PCDHA10: variants seen among roughly 807,000 people sequenced by gnomAD.
The protein encoded by PCDHA10 is protocadherin alpha-10.
A neutral mutation model predicts 61.2 loss-of-function variants in PCDHA10; 45 were observed. The observed-to-expected ratio is 0.74, with a 90% CI of 0.58 to 0.94. The LOEUF is 0.94. PCDHA10 is among the 40% of genes least tolerant of loss of function. PCDHA10 has a pLI of 0.00. For missense variants in PCDHA10, 1,278 were observed against 1,236.2 expected, an observed-to-expected ratio of 1.03 and a Z score of -0.51; for synonymous variants, 602 against 548.8, an observed-to-expected ratio of 1.10 and a Z score of -1.35.
At chr5:140,892,260 T>C (rs2063449120) in intron 1 of PCDHA10, among the ~76,000 whole-genome samples, 1 of 152,218 alleles carries the variant, frequency 6.6e-6, no homozygotes, top group East Asian at 1.9e-4. Flanking sequence ...TCTTTGATTT[T>C]GTGCTGAAAG....
intron 1 of PCDHA10, among the ~76,000 whole-genome samples, chr5:140,919,232 T>G (rs1178591658): frequency 3.9e-5 from 6 of 152,246 alleles, no homozygotes; most frequent in African/African-American, 1.4e-4. Flanking sequence ...CTAGTAACAC[T>G]TTTTGTCTTG....
At chr5:140,899,980 T>TG (rs1202261789) in intron 1 of PCDHA10, among the ~76,000 whole-genome samples, 49 of 152,074 alleles carry the variant, frequency 3.2e-4, no homozygotes, top group African/African-American at 1.1e-3. Flanking sequence ...GCTACTTTTT[T>TG]GATTTTTTTT....
chr5:140,953,034 C>T (rs1337571700), intron 1 of PCDHA10, among the ~76,000 whole-genome samples: 1 of 152,168 alleles, frequency 6.6e-6, no homozygotes, highest in Non-Finnish European at 1.5e-5. Context: ...GGGAAATCCA[C>T]CCCCATGATC....
Position 140,875,145 on chromosome 5 carries a change from T to A in PCDHA10, c.2388+16709T>A, listed in dbSNP as rs191347942. On this transcript the variant is annotated intron_variant, in intron 1 of 3. Coordinates refer to ENST00000307360, the MANE Select transcript of PCDHA10 (RefSeq NM_018901.4). ...TAACTAAACCCGCATTTATAAATGA[T>A]CCGTGAAAAATAACCCAAAGTCGAA... Among the ~76,000 whole-genome samples the A allele has an allele frequency of 3.1e-3, 468 of 152,306 alleles. 3 individuals are homozygous for A. The highest frequency in any genetic ancestry group is 0.014 in the Middle Eastern group (4 of 294).
intron 1 of PCDHA10, among the ~76,000 whole-genome samples, chr5:140,958,355 C>A (rs2095420165): frequency 6.6e-6 from 1 of 152,064 alleles, no homozygotes; most frequent in Admixed American, 6.6e-5. Context: ...CACAGTCTGA[C>A]TTTATCAGGA....
intron 1 of PCDHA10, among the ~76,000 whole-genome samples, chr5:140,886,239 TAAATA>T (rs2060905359): frequency 6.6e-6 from 1 of 152,062 alleles, no homozygotes; most frequent in African/African-American, 2.4e-5. Context: ...ACTTCAGAAA[TAAATA>T]AAAGTATCTC....
chr5:140,884,339 G>C, intron 1 of PCDHA10: 1 of 1,613,906 alleles, frequency 6.2e-7, no homozygotes, highest in African/African-American at 1.3e-5. Flanking sequence ...GGGTCCAGAA[G>C]CGGCGCTGGT....
Position 140,923,348 on chromosome 5 carries a change from G to A in PCDHA10, c.2389-55601G>A, listed in dbSNP as rs376610944. Among the ~76,000 whole-genome samples the A allele has an allele frequency of 2.6e-3, 395 of 152,192 alleles. 2 individuals are homozygous for A. Among genetic ancestry groups the A allele is most frequent in the African/African-American group, 9.2e-3 (384 of 41,538 alleles). ...CAAGGACAGTTTGGGCAACATAGTG[G>A]GACCCTATCTTTATAAAATATTTTT... is the stretch of plus-strand genomic sequence containing the variant. On this transcript the variant is annotated intron_variant, in intron 1 of 3. Coordinates refer to ENST00000307360, the MANE Select transcript of PCDHA10 (RefSeq NM_018901.4).
intron 3 of PCDHA10, among the ~76,000 whole-genome samples, chr5:140,985,392 C>T (rs1329580146): frequency 6.6e-6 from 1 of 152,172 alleles, no homozygotes; most frequent in Non-Finnish European, 1.5e-5. Context: ...CCAGTCACCC[C>T]AACTGTTCCC....
At position 141,003,524 on chromosome 5, in the gene PCDHA10, G is replaced by T. The variant is rs2098128799; in HGVS notation, c.2537-6103G>T. On this transcript the variant is annotated intron_variant, in intron 3 of 3. Coordinates refer to ENST00000307360, the MANE Select transcript of PCDHA10 (RefSeq NM_018901.4). ...GATGGGGTTTCACCATGTTCCCTAG[G>T]CTGGTCTTGAACTCCTGGCTTCAAG... 4.6e-5 allele frequency among the ~76,000 whole-genome samples: 7 copies of T among 152,070 alleles called. No individual in the cohort carries two copies. In the South Asian group the frequency reaches 1.5e-3, roughly 32 times the overall value.
intron 1 of PCDHA10, chr5:140,966,327 C>A (rs1381846026): frequency 5.1e-6 from 2 of 392,388 alleles, no homozygotes; most frequent in East Asian, 3.6e-5. Flanking sequence ...CCGCTGGGAT[C>A]CGGCAGGTCC....
intron 2 of PCDHA10, 129 bp from the exon 3 acceptor site, chr5:140,982,346 G>A: frequency 1.3e-6 from 2 of 1,492,346 alleles, no homozygotes; most frequent in South Asian, 2.7e-5. Context: ...AATTGCTTCA[G>A]TTCAAGCATG....
intron 1 of PCDHA10, among the ~76,000 whole-genome samples, chr5:140,910,901 C>T (rs1433262630): frequency 6.6e-6 from 1 of 152,142 alleles, no homozygotes; most frequent in African/African-American, 2.4e-5. Context: ...CTATGCCTGT[C>T]CTCCAGATTT....
At chr5:140,951,723 A>G (rs1364455679) in intron 1 of PCDHA10, among the ~76,000 whole-genome samples, 3 of 152,104 alleles carry the variant, frequency 2.0e-5, no homozygotes, top group Non-Finnish European at 4.4e-5. Flanking sequence ...GATCCAAACC[A>G]TGTCATTCTG....
At chr5:140,961,347 T>TTGAGAGACCAA (rs2095606709) in intron 1 of PCDHA10, among the ~76,000 whole-genome samples, 1 of 152,216 alleles carries the variant, frequency 6.6e-6, no homozygotes, top group South Asian at 2.1e-4. Flanking sequence ...AGTGGATCCC[T>TTGAGAGACCAA]GTAGTCCCCA....
chr5:140,925,447 T>G (rs2153577798), intron 1 of PCDHA10, among the ~76,000 whole-genome samples: 1 of 152,154 alleles, frequency 6.6e-6, no homozygotes, highest in Non-Finnish European at 1.5e-5. Context: ...AGAATTTGGG[T>G]GTATCTGTTG....
At chr5:140,895,080 C>T (rs537991545) in intron 1 of PCDHA10, among the ~76,000 whole-genome samples, 11 of 152,246 alleles carry the variant, frequency 7.2e-5, no homozygotes, top group Admixed American at 1.3e-4. Context: ...CTATCAGTTC[C>T]TCCTCAGTAT....
Position 140,857,147 on chromosome 5 carries a change from G to A in PCDHA10, c.1099G>A (p.Val367Ile), listed in dbSNP as rs145115378. 1.4e-4 allele frequency: 222 copies of A among 1,598,286 alleles called. 15 individuals carry two copies. The African/African-American group carries it at 2.2e-3, about 15-fold the overall frequency. ...PVKEDAQVGT[V>I]IALISVSDHD... ...GAAAGAAGATGCTCAAGTGGGCACC[G>A]TCATTGCCCTAATCAGCGTTTCTGA... The change falls in exon 1 of 4, where the codon GTC becomes ATC. Residue 367 changes from valine (V) to isoleucine (I), a missense_variant. By Grantham distance (29) the Val-to-Ile change is conservative. Coordinates refer to ENST00000307360, the MANE Select transcript of PCDHA10 (RefSeq NM_018901.4).
chr5:141,002,335 ACC>A (rs1554258611), intron 3 of PCDHA10, among the ~76,000 whole-genome samples: 81 of 152,230 alleles, frequency 5.3e-4, no homozygotes, highest in African/African-American at 2.0e-3. Flanking sequence ...CTGCATCCGC[ACC>A]CCTTCCCCCA....
Sources: allele counts gnomAD v4.1 joint callset (sites outside exome capture counted in the v4.1 genomes callset), GRCh38; gene constraint gnomAD v4.1.1; transcripts MANE v1.5; gene names NCBI Gene and HGNC (gene_info 2026-07-23, HGNC 2026-07-21).